Variants in EXOC6B observed in about 807,000 individuals in gnomAD.
EXOC6B encodes the protein SEC15 homolog B.
EXOC6B carries 54 observed loss-of-function variants against 113.5 expected under a neutral mutation model. The ratio of observed to expected loss-of-function variants is 0.48; its 90% CI spans 0.38 to 0.60. EXOC6B has a LOEUF of 0.60. Among genes scored for constraint, EXOC6B ranks in the 20% least tolerant of loss-of-function variants. The probability of loss-of-function intolerance (pLI) is 0.00; values close to 1 mark genes in which losing one functional copy is unlikely to be tolerated. For missense variants in EXOC6B, 797 were observed against 977.5 expected (o/e 0.82, Z 2.46); for synonymous variants, 357 against 339.0 (o/e 1.05, Z -0.58).
chr2:72,256,528 G>C (rs2104565926), intron 20 of EXOC6B, among the ~76,000 whole-genome samples: 1 of 152,220 alleles, frequency 6.6e-6, no homozygotes. Context: ...TGTGTGACTG[G>C]GCAGATCACA....
At chr2:72,218,962 T>TAAA (rs57748151) in intron 20 of EXOC6B, among the ~76,000 whole-genome samples, 35 of 141,710 alleles carry the variant, frequency 2.5e-4, no homozygotes, top group African/African-American at 8.5e-4. Context: ...TGCTATTTCT[T>TAAA]AAAAAAAAAA....
chr2:72,787,054 T>C (rs1316791254), intron 1 of EXOC6B, among the ~76,000 whole-genome samples: 1 of 152,088 alleles, frequency 6.6e-6, no homozygotes, highest in African/African-American at 2.4e-5. Context: ...AATCTCACAA[T>C]GAACTATAAG....
intron 1 of EXOC6B, among the ~76,000 whole-genome samples, chr2:72,809,791 C>T (rs1202857532): frequency 6.6e-6 from 1 of 152,140 alleles, no homozygotes; most frequent in Non-Finnish European, 1.5e-5. Flanking sequence ...CACAATTATA[C>T]ATAGGGACTT....
chr2:72,312,589 CAA>C (rs1468391107), intron 20 of EXOC6B, among the ~76,000 whole-genome samples: 3 of 151,592 alleles, frequency 2.0e-5, no homozygotes, highest in Non-Finnish European at 4.4e-5. Flanking sequence ...TATAAGAAAT[CAA>C]AGTGAAATAC....
At chr2:72,674,703 C>G (rs546282940) in intron 6 of EXOC6B, among the ~76,000 whole-genome samples, 1 of 151,918 alleles carries the variant, frequency 6.6e-6, no homozygotes, top group Non-Finnish European at 1.5e-5. Context: ...TGGTGGCAGG[C>G]TCCTGTAGTC....
chr2:72,411,377 A>G lies in EXOC6B; in HGVS notation c.1981-31507T>C, dbSNP rs2105223090. On this transcript the variant is annotated intron_variant, in intron 18 of 21. Coordinates refer to ENST00000272427, the MANE Select transcript of EXOC6B (RefSeq NM_015189.3). ...GATTTTGCTGAGATCTCAGGAGGAC[A>G]TAAGGCCAGAATTACATAACAGCTA... Among the ~76,000 whole-genome samples, 3 of 152,340 alleles carry G rather than the reference A, an allele frequency of 2.0e-5. No homozygotes were observed. The Middle Eastern group carries it at 0.01, about 518-fold the overall frequency.
At chr2:72,638,817 C>T (rs572135350) in intron 6 of EXOC6B, among the ~76,000 whole-genome samples, 1 of 152,142 alleles carries the variant, frequency 6.6e-6, no homozygotes, top group African/African-American at 2.4e-5. Flanking sequence ...CTAGGCTCAA[C>T]GTGCTTCCAT....
chr2:72,334,731 G>A lies in EXOC6B; in HGVS notation c.2196+216C>T, dbSNP rs1049315419. Among the ~76,000 whole-genome samples, 6 of 37,694 alleles carry A rather than the reference G, an allele frequency of 1.6e-4. No individual in the cohort carries two copies. The East Asian group carries it at 3.0e-3, about 19-fold the overall frequency. 24.7% of individuals were successfully genotyped at this position (37,694 alleles called of 152,430 possible). On this transcript the variant is annotated intron_variant, in intron 20 of 21. Transcript: ENST00000272427. ...ACTCTGGGTCCCTCCTCCCACCCCC[G>A]CCTTCCCTTCTACCCACAAAACCTT...
intron 18 of EXOC6B, among the ~76,000 whole-genome samples, chr2:72,387,995 G>T (rs1692151385): frequency 6.6e-6 from 1 of 152,010 alleles, no homozygotes; most frequent in Non-Finnish European, 1.5e-5. Flanking sequence ...TCAACTGGGG[G>T]CAATTTTGTT....
At chr2:72,206,986 T>G (rs930214134) in intron 20 of EXOC6B, among the ~76,000 whole-genome samples, 3 of 152,242 alleles carry the variant, frequency 2.0e-5, no homozygotes. Flanking sequence ...GCATAATGAC[T>G]GTCAACAATT....
chr2:72,696,488 G>C (rs1677894751), intron 6 of EXOC6B, among the ~76,000 whole-genome samples: 1 of 152,182 alleles, frequency 6.6e-6, no homozygotes, highest in Admixed American at 6.5e-5. Flanking sequence ...CTTTCATCAA[G>C]AGATTAGAGC....
chr2:72,758,768 G>C (rs551474450), intron 1 of EXOC6B, among the ~76,000 whole-genome samples: 7 of 152,322 alleles, frequency 4.6e-5, no homozygotes, highest in African/African-American at 1.4e-4. Context: ...TCACTGCAAA[G>C]CAACCAATCC....
intron 1 of EXOC6B, among the ~76,000 whole-genome samples, chr2:72,797,765 C>G (rs577044546): frequency 6.6e-6 from 1 of 152,032 alleles, no homozygotes; most frequent in African/African-American, 2.4e-5. Context: ...AAGCTGAGAC[C>G]GTGCCACTGC....
In EXOC6B at chr2:72,246,041, AAATT is replaced by A. The variant is rs199758213; in HGVS notation, c.2197-61858_2197-61855del. Among the ~76,000 whole-genome samples the A allele has an allele frequency of 8.2e-3, 1,244 of 152,260 alleles. 13 individuals carry two copies. The highest frequency in any genetic ancestry group is 0.011 in the Non-Finnish European group (760 of 68,012). ...ACCAGTCTTTGCCACTCTTTTAAAC[AAATT>A]AATTTACTTATTTTACTTTTTTACA... On this transcript the variant is annotated intron_variant, in intron 20 of 21. Transcript: ENST00000272427.
At chr2:72,642,117 C>T (rs1329561608) in intron 6 of EXOC6B, among the ~76,000 whole-genome samples, 1 of 152,118 alleles carries the variant, frequency 6.6e-6, no homozygotes, top group South Asian at 2.1e-4. Context: ...TAGATAAAAC[C>T]ACAAAGATGG....
At chr2:72,399,624 A>G (rs1243822008) in intron 18 of EXOC6B, among the ~76,000 whole-genome samples, 1 of 152,216 alleles carries the variant, frequency 6.6e-6, no homozygotes, top group African/African-American at 2.4e-5. Context: ...TACAAAAATC[A>G]GTAGCATTTC....
chr2:72,614,827 G>T (rs1671289087), intron 6 of EXOC6B, among the ~76,000 whole-genome samples: 1 of 152,088 alleles, frequency 6.6e-6, no homozygotes, highest in South Asian at 2.1e-4. Flanking sequence ...TGAACTGAGG[G>T]CATTTGCCAA....
intron 20 of EXOC6B, among the ~76,000 whole-genome samples, chr2:72,236,510 G>A (rs1423810008): frequency 6.6e-6 from 1 of 152,032 alleles, no homozygotes; most frequent in Admixed American, 6.6e-5. Context: ...TTCCCAGCAA[G>A]ACAGCTACCA....
At position 72,767,813 on chromosome 2, in the gene EXOC6B, A is replaced by AAAAAAAAAAAAAAAAAAAAC. The variant is rs1683167012; in HGVS notation, c.114-26345_114-26344insGTTTTTTTTTTTTTTTTTTT. On this transcript the variant is annotated intron_variant, in intron 1 of 21. Transcript: ENST00000272427. The stretch of plus-strand genomic sequence containing the variant: ...GGGAGACACAGAGACCTTGTTAAAA[A>AAAAAAAAAAAAAAAAAAAAC]AAAAAAAAAAAAAAAAAAAAGACCA... Among the ~76,000 whole-genome samples, 2 of 129,380 alleles carry AAAAAAAAAAAAAAAAAAAAC rather than the reference A, an allele frequency of 1.5e-5. 1 individual carries two copies. The highest frequency in any genetic ancestry group is 3.3e-5 in the Non-Finnish European group (2 of 60,728). The allele number at this position is 129,380 out of a possible 152,430, so 84.9% of individuals were successfully genotyped here.
Sources: gnomAD v4.1 joint callset for allele counts (sites outside exome capture counted in the v4.1 genomes callset) on GRCh38, gnomAD v4.1.1 for gene constraint, MANE v1.5 for transcripts, NCBI Gene and HGNC (gene_info 2026-07-23, HGNC 2026-07-21) for gene names.